Variants in MFSD2A observed in about 807,000 individuals in gnomAD.
MFSD2A encodes the protein sodium-dependent lysophosphatidylcholine symporter 1.
In MFSD2A, 27 loss-of-function variants were observed where a neutral mutation model predicts 64.7. The observed-to-expected ratio is 0.42, with a 90% CI of 0.31 to 0.58. MFSD2A has a LOEUF of 0.58. Among genes scored for constraint, MFSD2A ranks in the 20% least tolerant of loss-of-function variants. The pLI, the probability that MFSD2A is intolerant of heterozygous loss-of-function variation, is 0.18. For synonymous variants in MFSD2A, 258 were observed against 273.4 expected, an observed-to-expected ratio of 0.94 and a Z score of 0.55; for missense variants, 474 against 679.5, an observed-to-expected ratio of 0.70 and a Z score of 3.36.
At position 39,962,606 on chromosome 1, in the gene MFSD2A, G is replaced by A. The variant is rs72933529; in HGVS notation, c.354-2605G>A. On this transcript the variant is annotated intron_variant, in intron 3 of 13. Coordinates refer to ENST00000372811, the MANE Select transcript of MFSD2A (RefSeq NM_032793.5). ...GAGGCCCTGGTGGCCCTGGGATGGG[G>A]AACTCTGGTGCCTTCCGCGGAGGTT... The A allele has an allele frequency of 3.8e-3, 2,962 of 781,952 alleles. 61 individuals are homozygous for A. In the African/African-American group the frequency reaches 0.045, roughly 12 times the overall value. 48.4% of individuals were successfully genotyped at this position (781,952 alleles called of 1,614,324 possible).
In MFSD2A at chr1:39,960,497, CG is replaced by C. The variant is rs1032572397; in HGVS notation, c.353+1674del. Reference sequence around the variant, plus strand: ...CTGTGCAGGCTGCTCAGGGCTCCCCCGGCGCCAGCCCGTGAGACTTGGCCCT... The same window carrying C: ...CTGTGCAGGCTGCTCAGGGCTCCCCCGCGCCAGCCCGTGAGACTTGGCCCT... On this transcript the variant is annotated intron_variant, in intron 3 of 13. Transcript: ENST00000372811. The surrounding 1 kb of genome is among the most constrained non-coding windows in gnomAD (Gnocchi z 4.8). Among the ~76,000 whole-genome samples the C allele has an allele frequency of 6.6e-5, 10 of 152,220 alleles. 1 individual carries two copies. The highest frequency in any genetic ancestry group is 5.9e-4 in the Admixed American group (9 of 15,288).
At position 39,968,153 on chromosome 1, in the gene MFSD2A, A is replaced by G; in HGVS notation, c.1209-181A>G. ...CTGGGCTCCACTTGCCACGCTGAGCACCTCCAGGCAGGGTTACTTCCTCTT... is the reference window on the plus strand; with the variant it reads ...CTGGGCTCCACTTGCCACGCTGAGCGCCTCCAGGCAGGGTTACTTCCTCTT... On this transcript the variant is annotated intron_variant, in intron 11 of 13. Transcript: ENST00000372811. The surrounding 1 kb of genome is among the most constrained non-coding windows in gnomAD (Gnocchi z 4.4). The G allele has an allele frequency of 1.3e-6, 1 of 741,332 alleles. No homozygotes were observed. The highest frequency in any genetic ancestry group is 2.2e-6 in the Non-Finnish European group (1 of 463,544). The allele number at this position is 741,332 out of a possible 1,614,324, so 45.9% of individuals were successfully genotyped here. A position where few individuals can be genotyped will look rare whatever the true frequency, so the allele number is the denominator to read the frequency against.
chr1:39,956,315 G>A (rs1159527449), intron 1 of MFSD2A, among the ~76,000 whole-genome samples: 1 of 152,220 alleles, frequency 6.6e-6, no homozygotes, highest in Non-Finnish European at 1.5e-5. Context: ...CTCTGGGATA[G>A]GTGGAACAGC....
rs769379924 is a variant in MFSD2A at position 39,957,230 on chromosome 1, T to C, written c.228+9T>C. 11 of 1,551,706 alleles carry C rather than the reference T, an allele frequency of 7.1e-6. No individual in the cohort carries two copies. The East Asian group carries it at 2.5e-4, about 36-fold the overall frequency. On this transcript the variant is annotated intron_variant, in intron 2 of 13. Transcript: ENST00000372811. ...TATTGGATGTGGCTCAGGTGAGTGG[T>C]CTAAGCCTTCGAGGGCTCCTTCAGC...
Position 39,955,322 on chromosome 1 carries a change from C to T in MFSD2A, c.30C>T (p.Gly10=). The T allele has an allele frequency of 6.9e-7, 1 of 1,447,292 alleles. No homozygotes were observed. Among genetic ancestry groups the T allele is most frequent in the Non-Finnish European group, 9.1e-7 (1 of 1,098,066 alleles). 89.7% of individuals were successfully genotyped at this position (1,447,292 alleles called of 1,614,324 possible). ...CCAAAGGAGAAGGCGCCGAGAGCGG[C>T]TCCGCGGCGGGGCTGCTACCCACCA... MAKGEGAES[G]SAAGLLPTSI... is the part of the protein sequence containing the mutation. Residue 10 remains glycine, a synonymous_variant, in exon 1 of 14, where the codon GGC becomes GGT. Transcript: ENST00000372811. The surrounding 1 kb of genome is among the most constrained non-coding windows in gnomAD (Gnocchi z 5.9).
Position 39,958,187 on chromosome 1 carries a change from G to A in MFSD2A, c.229-514G>A, listed in dbSNP as rs72933525. Among the ~76,000 whole-genome samples, 1,826 of 151,976 alleles carry A rather than the reference G, an allele frequency of 0.012. 32 individuals are homozygous for A. The highest frequency in any genetic ancestry group is 0.042 in the African/African-American group (1,728 of 41,376). The stretch of plus-strand genomic sequence containing the variant: ...TTTAGGGCCTGGGGGGTTTTGGGGC[G>A]GGGAGGGGGATAACTTGAGTGGGTA... On this transcript the variant is annotated intron_variant, in intron 2 of 13. Transcript: ENST00000372811. This position sits in a 1 kb window ranked among gnomAD's most constrained non-coding sequence, Gnocchi z 4.7.
chr1:39,955,869 G>A lies in MFSD2A; in HGVS notation c.93+484G>A, dbSNP rs1030251773. On this transcript the variant is annotated intron_variant, in intron 1 of 13. Transcript: ENST00000372811. The surrounding 1 kb of genome is among the most constrained non-coding windows in gnomAD (Gnocchi z 5.9). ...GCTCTTAAAGGAGCCGCGTCCCTCA[G>A]GCATTTGTCTGAATGTGGATGTTCG... 3.7e-6 allele frequency: 1 copy of A among 269,502 alleles called. No homozygotes were observed. The highest frequency in any genetic ancestry group is 2.3e-5 in the African/African-American group (1 of 43,286). The allele number at this position is 269,502 out of a possible 1,614,324, so 16.7% of individuals were successfully genotyped here.
At chr1:39,961,167 C>G (rs1292867193) in intron 3 of MFSD2A, among the ~76,000 whole-genome samples, 1 of 152,016 alleles carries the variant, frequency 6.6e-6, no homozygotes, top group Admixed American at 6.5e-5. Flanking sequence ...GGCCTGGAGA[C>G]CTGGAACCCC....
In MFSD2A at chr1:39,968,422, T is replaced by A; in HGVS notation, c.1297T>A (p.Phe433Ile). The change falls in exon 12 of 14, where the codon TTC becomes ATC. Residue 433 changes from phenylalanine to isoleucine, a missense_variant. Coordinates refer to ENST00000372811, the MANE Select transcript of MFSD2A (RefSeq NM_032793.5). The surrounding 1 kb of genome is among the most constrained non-coding windows in gnomAD (Gnocchi z 4.4). ...TEPIFFSFYV[F>I]FTKFASGVSL... ...GCCCATCTTCTTCTCCTTCTATGTC[T>A]TCTTCACCAAGTTTGCCTCTGGAGT... 1 of 1,614,178 alleles carries A rather than the reference T, an allele frequency of 6.2e-7. No individual in the cohort carries two copies. Among genetic ancestry groups the A allele is most frequent in the South Asian group, 1.1e-5 (1 of 91,086 alleles).
intron 3 of MFSD2A, among the ~76,000 whole-genome samples, chr1:39,959,909 T>G (rs926974137): frequency 2.0e-5 from 3 of 152,198 alleles, no homozygotes; most frequent in Non-Finnish European, 4.4e-5. Flanking sequence ...GGAATTAGAC[T>G]TCAGGCCCAG....
In MFSD2A at chr1:39,965,690, A is replaced by G; in HGVS notation, c.556+141A>G. 1 of 1,216,374 alleles carries G rather than the reference A, an allele frequency of 8.2e-7. No individual in the cohort carries two copies. The allele number at this position is 1,216,374 out of a possible 1,614,324, so 75.3% of individuals were successfully genotyped here. ...AAATAACTCAATCCCCTTATTGCTC[A>G]GATGAGACCTGGAGAGGTGCATATG... On this transcript the variant is annotated intron_variant, in intron 5 of 13. Coordinates refer to ENST00000372811, the MANE Select transcript of MFSD2A (RefSeq NM_032793.5). The surrounding 1 kb of genome is among the most constrained non-coding windows in gnomAD (Gnocchi z 5.5).
Position 39,965,941 on chromosome 1 carries a change from A to G in MFSD2A, c.641A>G (p.Gln214Arg). The G allele has an allele frequency of 6.2e-7, 1 of 1,614,206 alleles. No individual in the cohort carries two copies. Among genetic ancestry groups the G allele is most frequent in the African/African-American group, 1.3e-5 (1 of 75,036 alleles). ...GGCCAAGCAGACACGCCTTGTTTCCAGGACCTCAATAGCTCTACAGTAGCT... is the reference window on the plus strand; with the variant it reads ...GGCCAAGCAGACACGCCTTGTTTCCGGGACCTCAATAGCTCTACAGTAGCT... ...IVGQADTPCF[Q>R]DLNSSTVASQ... is the part of the protein sequence containing the mutation. Residue 214 changes from glutamine to arginine, a missense_variant, in exon 6 of 14, where the codon CAG becomes CGG. Gln to Arg is a conservative substitution (Grantham distance 43). Transcript: ENST00000372811. This position sits in a 1 kb window ranked among gnomAD's most constrained non-coding sequence, Gnocchi z 5.5.
At chr1:39,959,115 C>A (rs1325759291) in intron 3 of MFSD2A, among the ~76,000 whole-genome samples, 4 of 152,128 alleles carry the variant, frequency 2.6e-5, no homozygotes, top group Non-Finnish European at 5.9e-5. Context: ...TCTGAATTCT[C>A]CCACTCTATC....
At chr1:39,959,352 A>G (rs1349200276) in intron 3 of MFSD2A, among the ~76,000 whole-genome samples, 1 of 148,868 alleles carries the variant, frequency 6.7e-6, no homozygotes, top group East Asian at 2.0e-4. Flanking sequence ...GGCTCAAGTG[A>G]TCTTCCCACC....
chr1:39,962,524 C>T (rs1420751435), intron 3 of MFSD2A, among the ~76,000 whole-genome samples: 1 of 152,228 alleles, frequency 6.6e-6, no homozygotes, highest in African/African-American at 2.4e-5. Flanking sequence ...TGTTTACGAG[C>T]TTCTTCTCCG....
chr1:39,958,605 G>C lies in MFSD2A; in HGVS notation c.229-96G>C. ...AGCAGCTCAGGGTCACAAGATCCTG[G>C]CTGAGATAGGGAGGGAGCCTCTGCT... On this transcript the variant is annotated intron_variant, in intron 2 of 13. Transcript: ENST00000372811. This position sits in a 1 kb window ranked among gnomAD's most constrained non-coding sequence, Gnocchi z 4.7. 6.2e-7 allele frequency: 1 copy of C among 1,605,210 alleles called. No homozygotes were observed. Among genetic ancestry groups the C allele is most frequent in the Non-Finnish European group, 8.5e-7 (1 of 1,172,552 alleles).
At chr1:39,961,387 C>T (rs904058128) in intron 3 of MFSD2A, among the ~76,000 whole-genome samples, 5 of 134,134 alleles carry the variant, frequency 3.7e-5, no homozygotes, top group Admixed American at 8.7e-5. Flanking sequence ...CTCGCTCTGT[C>T]GCCCAGACTG....
intron 6 of MFSD2A, 27 bp from the exon 7 acceptor site, chr1:39,966,574 T>C (rs1444404916): frequency 6.3e-7 from 1 of 1,589,910 alleles, no homozygotes; most frequent in Admixed American, 1.7e-5. Context: ...CTGACCATCC[T>C]TGTATGTCGC....
At position 39,966,650 on chromosome 1, in the gene MFSD2A, T is replaced by C. The variant is rs1180582767; in HGVS notation, c.764T>C (p.Ile255Thr). The change falls in exon 7 of 14, where the codon ATC (isoleucine) becomes ACC (threonine). Residue 255 changes from isoleucine (I) to threonine (T), a missense_variant. Physicochemically the swap from Ile to Thr is moderately conservative, Grantham distance 89 (BLOSUM62 -1). Coordinates refer to ENST00000372811, the MANE Select transcript of MFSD2A (RefSeq NM_032793.5). ...GGGGTCATTGTCTGTATCTATATAA[T>C]CTGTGCTGTCATCCTGATCCTGGGC... ...AAGVIVCIYI[I>T]CAVILILGVR... 1.2e-6 allele frequency: 2 copies of C among 1,614,074 alleles called. No individual in the cohort carries two copies. Among genetic ancestry groups the C allele is most frequent in the South Asian group, 2.2e-5 (2 of 91,060 alleles).
Sources: gnomAD v4.1 joint callset for allele counts (sites outside exome capture counted in the v4.1 genomes callset) on GRCh38, gnomAD v4.1.1 for gene constraint, Gnocchi (gnomAD v3.1) non-coding constraint, MANE v1.5 for transcripts, NCBI Gene and HGNC (gene_info 2026-07-23, HGNC 2026-07-21) for gene names.